The following DAAM1 variants were observed in gnomAD, a reference collection of about 807,000 sequenced individuals.
The protein encoded by DAAM1 is disheveled-associated activator of morphogenesis 1.
DAAM1 carries 52 observed loss-of-function variants against 130.0 expected under a neutral mutation model. The observed-to-expected ratio is 0.40, with a 90% CI of 0.32 to 0.50. DAAM1 has a LOEUF of 0.50. DAAM1 is among the 20% of genes least tolerant of loss of function. The pLI is 0.61. For synonymous variants in DAAM1, 452 were observed against 444.5 expected, an observed-to-expected ratio of 1.02 and a Z score of -0.21; for missense variants, 1,134 against 1,303.8, an observed-to-expected ratio of 0.87 and a Z score of 2.01.
chr14:59,341,275 C>T (rs1260094374), intron 16 of DAAM1, among the ~76,000 whole-genome samples: 2 of 152,118 alleles, frequency 1.3e-5, no homozygotes, highest in Admixed American at 1.3e-4. Context: ...TGTAAATGGC[C>T]GTACCCTGTG....
At chr14:59,330,797 C>A in intron 13 of DAAM1, 109 bp downstream of exon 13, 1 of 1,137,208 alleles carries the variant, frequency 8.8e-7, no homozygotes, top group Non-Finnish European at 1.2e-6. Flanking sequence ...TCTGAAATGG[C>A]TCATGATTCA....
At chr14:59,229,334 C>T (rs987018881) in intron 1 of DAAM1, among the ~76,000 whole-genome samples, 13 of 152,210 alleles carry the variant, frequency 8.5e-5, no homozygotes, top group African/African-American at 3.1e-4. Flanking sequence ...TAAACTGTAA[C>T]TTCATCGTGC....
intron 13 of DAAM1, among the ~76,000 whole-genome samples, 175 bp from the exon 14 acceptor site, chr14:59,331,034 C>T (rs566960410): frequency 7.9e-5 from 12 of 152,266 alleles, no homozygotes; most frequent in African/African-American, 2.9e-4. Flanking sequence ...AAGGTTGATG[C>T]ACTGGAGTCC....
At chr14:59,202,997 T>C in intron 1 of DAAM1, among the ~76,000 whole-genome samples, 1 of 146,690 alleles carries the variant, frequency 6.8e-6, no homozygotes, top group East Asian at 2.0e-4. Context: ...TGAGCTTTCT[T>C]TTTTTTTTTT....
rs1349126978 is a variant in DAAM1, at chr14:59,370,333, T to TTAAG, written c.*1476_*1479dup. 1.3e-5 allele frequency: 2 copies of TTAAG among 152,104 alleles called. No homozygotes were observed. Among genetic ancestry groups the TTAAG allele is most frequent in the Admixed American group, 1.3e-4 (2 of 15,266 alleles). 9.4% of individuals were successfully genotyped at this position (152,104 alleles called of 1,614,324 possible). A position where few individuals can be genotyped will look rare whatever the true frequency, so the allele number is the denominator to read the frequency against. On this transcript the variant is annotated 3_prime_UTR_variant, in exon 25 of 25. Transcript: ENST00000360909. ...TTTTCAGTCAATTAACAAATATTTA[T>TTAAG]TAAGTTCCTACTATGTACCAGGCAT...
chr14:59,266,640 A>G (rs1194622188), intron 2 of DAAM1, among the ~76,000 whole-genome samples: 3 of 152,128 alleles, frequency 2.0e-5, no homozygotes. Context: ...ATTTTTGTCT[A>G]CTCTTGACTT....
In DAAM1 at chr14:59,323,081, G is replaced by T; in HGVS notation, c.630G>T (p.Gln210His). ...AHSESINVIA[Q>H]SLSTENIKTK... Reference sequence around the variant, plus strand: ...CTGAGAGTATTAATGTAATTGCTCAGAGTCTGAGCACAGAGAACATTAAAA... The same window carrying T: ...CTGAGAGTATTAATGTAATTGCTCATAGTCTGAGCACAGAGAACATTAAAA... Residue 210 changes from glutamine to histidine, a missense_variant, in exon 6 of 25, where the codon CAG (glutamine) becomes CAT (histidine). Gln to His is a conservative substitution (Grantham distance 24). Around this residue, in one of 3 missense-constraint regions of DAAM1, gnomAD observed 391 missense variants for 521.6 expected, o/e 0.75. Coordinates refer to ENST00000360909, the MANE Select transcript of DAAM1 (RefSeq NM_001270520.2). 1 of 1,613,848 alleles carries T rather than the reference G, an allele frequency of 6.2e-7. No homozygotes were observed.
chr14:59,220,178 A>G (rs1294634132), intron 1 of DAAM1, among the ~76,000 whole-genome samples: 1 of 152,194 alleles, frequency 6.6e-6, no homozygotes, highest in Non-Finnish European at 1.5e-5. Flanking sequence ...AAATAGAATG[A>G]TAAAGGAAGA....
chr14:59,289,783 T>TATATATATATATAA (rs966292211), intron 2 of DAAM1, among the ~76,000 whole-genome samples: 7 of 135,232 alleles, frequency 5.2e-5, no homozygotes, highest in Admixed American at 7.3e-5. Context: ...TATATATATA[T>TATATATATATATAA]AATGGAATGC....
chr14:59,194,933 T>C (rs910300121), intron 1 of DAAM1, among the ~76,000 whole-genome samples: 2 of 152,214 alleles, frequency 1.3e-5, no homozygotes, highest in Admixed American at 6.5e-5. Context: ...AAACTAGATA[T>C]TGTGCCACTT....
In DAAM1 at chr14:59,289,783, T is replaced by TATATATATATATATATATATATATAA. The variant is rs966292211; in HGVS notation, c.184-1433_184-1432insTATATATATATATATATATATATAAA. On this transcript the variant is annotated intron_variant, in intron 2 of 24. Coordinates refer to ENST00000360909, the MANE Select transcript of DAAM1 (RefSeq NM_001270520.2). ...ACAAAATGTGATATATATATATATATAATGGAATGCTATGCAATCATAAAA... is the reference window on the plus strand; with the variant it reads ...ACAAAATGTGATATATATATATATATATATATATATATATATATATATATAAAATGGAATGCTATGCAATCATAAAA... 3.5e-4 allele frequency among the ~76,000 whole-genome samples: 47 copies of TATATATATATATATATATATATATAA among 135,258 alleles called. 3 individuals carry two copies. The highest frequency in any genetic ancestry group is 5.9e-4 in the Non-Finnish European group (35 of 59,524). The allele number at this position is 135,258 out of a possible 152,430, so 88.7% of individuals were successfully genotyped here. A position where few individuals can be genotyped will look rare whatever the true frequency, so the allele number is the denominator to read the frequency against.
intron 1 of DAAM1, among the ~76,000 whole-genome samples, chr14:59,242,663 A>G (rs1442999672): frequency 6.6e-6 from 1 of 152,088 alleles, no homozygotes; most frequent in Non-Finnish European, 1.5e-5. Context: ...GGTTCACGCC[A>G]TTCTCCTGCC....
chr14:59,341,968 A>G (rs546751743), intron 16 of DAAM1, among the ~76,000 whole-genome samples: 117 of 152,300 alleles, frequency 7.7e-4, no homozygotes, highest in African/African-American at 2.7e-3. Flanking sequence ...CTAAGTACCA[A>G]CCAGGGTAAT....
At chr14:59,267,563 C>T (rs1187724389) in intron 2 of DAAM1, among the ~76,000 whole-genome samples, 1 of 151,918 alleles carries the variant, frequency 6.6e-6, no homozygotes, top group Non-Finnish European at 1.5e-5. Context: ...GTAAAGTGTG[C>T]AATTCAGTGG....
intron 23 of DAAM1, among the ~76,000 whole-genome samples, chr14:59,367,141 A>G (rs1886949167): frequency 6.6e-6 from 1 of 152,050 alleles, no homozygotes; most frequent in Non-Finnish European, 1.5e-5. Context: ...TACAAAAATT[A>G]GCCAGGCATG....
At chr14:59,219,009 A>G (rs564723632) in intron 1 of DAAM1, among the ~76,000 whole-genome samples, 2 of 152,332 alleles carry the variant, frequency 1.3e-5, no homozygotes, top group East Asian at 1.9e-4. Context: ...AGGTAAAAGG[A>G]CAGAGGAGTG....
At chr14:59,216,917 GT>G (rs10707767) in intron 1 of DAAM1, among the ~76,000 whole-genome samples, 94,319 of 150,128 alleles carry the variant, frequency 0.63, 29,626 homozygotes, top group Middle Eastern at 0.68. Context: ...TGTCTATATA[GT>G]TTTTTTTTTT....
intron 17 of DAAM1, among the ~76,000 whole-genome samples, chr14:59,349,871 G>C (rs1406724759): frequency 6.6e-6 from 1 of 152,140 alleles, no homozygotes; most frequent in African/African-American, 2.4e-5. Flanking sequence ...TGTAGTGACT[G>C]TGTTATTCTG....
chr14:59,270,452 C>G (rs1021397831), intron 2 of DAAM1, among the ~76,000 whole-genome samples: 6 of 152,064 alleles, frequency 3.9e-5, no homozygotes, highest in African/African-American at 1.4e-4. Flanking sequence ...ACTCAGTAAC[C>G]CGGAGGGAGG....
Sources: allele counts gnomAD v4.1 joint callset (sites outside exome capture counted in the v4.1 genomes callset), GRCh38; gene constraint gnomAD v4.1.1; regional missense constraint gnomAD v4.1.1; transcripts MANE v1.5; gene names NCBI Gene and HGNC (gene_info 2026-07-23, HGNC 2026-07-21).